The following SEC16B variants were observed in gnomAD, a reference collection of about 807,000 sequenced individuals.
SEC16B encodes the protein SEC16 homolog B, endoplasmic reticulum export factor, also known as protein transport protein Sec16B.
A neutral mutation model predicts 141.8 loss-of-function variants in SEC16B; 115 were observed. The observed-to-expected ratio is 0.81, with a 90% CI of 0.70 to 0.95. The LOEUF is 0.95. SEC16B is among the 40% of genes least tolerant of loss of function. The pLI is 0.00. For synonymous variants in SEC16B, 493 were observed against 492.5 expected, an observed-to-expected ratio of 1.00 and a Z score of -0.01; for missense variants, 1,291 against 1,312.3, an observed-to-expected ratio of 0.98 and a Z score of 0.25.
At chr1:177,939,550 T>A (rs1483080101) in intron 18 of SEC16B, among the ~76,000 whole-genome samples, 152 bp downstream of exon 18, 1 of 152,076 alleles carries the variant, frequency 6.6e-6, no homozygotes, top group Non-Finnish European at 1.5e-5. Flanking sequence ...AGGAGCTGGG[T>A]GGAGAAGGCG....
intron 18 of SEC16B, among the ~76,000 whole-genome samples, chr1:177,938,058 A>T (rs1482981490): frequency 6.6e-6 from 1 of 152,222 alleles, no homozygotes; most frequent in East Asian, 1.9e-4. Flanking sequence ...TCACGGCCAC[A>T]AGGTTTTTTT....
intron 14 of SEC16B, 115 bp from the exon 15 acceptor site, chr1:177,944,781 G>T: frequency 1.3e-6 from 1 of 785,400 alleles, no homozygotes. Flanking sequence ...TCCATCCTGG[G>T]CTGATGCCTG....
chr1:177,965,264 C>G (rs1331742241), intron 3 of SEC16B, 97 bp from the exon 4 acceptor site: 6 of 1,400,396 alleles, frequency 4.3e-6, no homozygotes, highest in Non-Finnish European at 4.9e-6. Context: ...TCCTGGAGCA[C>G]AGTAGATCTA....
At chr1:177,977,568 A>G (rs1321479365) in intron 1 of SEC16B, among the ~76,000 whole-genome samples, 4 of 152,330 alleles carry the variant, frequency 2.6e-5, no homozygotes, top group Middle Eastern at 6.8e-3. Context: ...CCAGTATTTT[A>G]GAGTCCAGAT....
chr1:177,933,282 G>T lies in SEC16B; in HGVS notation c.2755C>A (p.Arg919=), dbSNP rs372904665. The T allele has an allele frequency of 1.8e-5, 28 of 1,599,284 alleles. No individual in the cohort carries two copies. In the African/African-American group the frequency reaches 3.6e-4, roughly 21 times the overall value. ...SSGFGWFSWF[R]SKPTKNASPA... ...GATGCGTTCTTGGTGGGCTTCGATC[G>T]AAACCAGCTGAACCAGCCAAACCCT... The change falls in exon 22 of 26, where the codon CGA becomes AGA. Residue 919 remains arginine (R), a synonymous_variant. Coordinates refer to ENST00000308284, the MANE Select transcript of SEC16B (RefSeq NM_033127.4).
At chr1:177,969,234 T>A (rs1452969704) in intron 1 of SEC16B, among the ~76,000 whole-genome samples, 1 of 152,120 alleles carries the variant, frequency 6.6e-6, no homozygotes, top group African/African-American at 2.4e-5. Flanking sequence ...GGTGTTGAAA[T>A]TGAGACGTCA....
chr1:177,962,069 C>T (rs1354204729), intron 5 of SEC16B, among the ~76,000 whole-genome samples: 1 of 151,958 alleles, frequency 6.6e-6, no homozygotes, highest in Non-Finnish European at 1.5e-5. Flanking sequence ...TTCATGTATT[C>T]ATTCATAAAC....
chr1:177,972,889 CCTCT>C (rs969413013), upstream of SEC16B, among the ~76,000 whole-genome samples: 2 of 151,700 alleles, frequency 1.3e-5, no homozygotes, highest in Admixed American at 1.3e-4. Context: ...GTTTGCTTCT[CCTCT>C]CTCTCTCTGC....
rs370903718 is a variant in SEC16B at position 177,936,374 on chromosome 1, C to T, written c.2504-9G>A. 5.0e-6 allele frequency: 8 copies of T among 1,603,998 alleles called. No individual in the cohort carries two copies. In the African/African-American group the frequency reaches 9.4e-5, roughly 19 times the overall value. On this transcript the variant is annotated splice_polypyrimidine_tract_variant and intron_variant, in intron 19 of 25. Coordinates refer to ENST00000308284, the MANE Select transcript of SEC16B (RefSeq NM_033127.4). ...AGACACTGTGTTCTCTCCTGCATCA[C>T]AAACAGAAATGGAAATAGCAATTGG...
At chr1:177,964,939 A>G in intron 4 of SEC16B, 108 bp downstream of exon 4, 1 of 1,323,630 alleles carries the variant, frequency 7.6e-7, no homozygotes, top group Non-Finnish European at 1.0e-6. Flanking sequence ...CAACAAAGGT[A>G]CATGGGCTTC....
chr1:177,932,667 C>T (rs767830759), intron 23 of SEC16B, 31 bp downstream of exon 23: 2 of 1,538,656 alleles, frequency 1.3e-6, no homozygotes, highest in East Asian at 2.3e-5. Flanking sequence ...AGGGGACCAC[C>T]CATGGCCCAG....
intron 24 of SEC16B, among the ~76,000 whole-genome samples, chr1:177,932,244 C>A (rs551032484): frequency 9.2e-5 from 14 of 152,322 alleles, no homozygotes; most frequent in African/African-American, 3.1e-4. Context: ...GGAAAGAGGT[C>A]TCAAAAGACA....
chr1:177,966,184 C>A (rs901001873), intron 2 of SEC16B, among the ~76,000 whole-genome samples, 179 bp from the exon 3 acceptor site: 1 of 152,178 alleles, frequency 6.6e-6, no homozygotes, highest in Non-Finnish European at 1.5e-5. Flanking sequence ...AGGAGTCAGG[C>A]CTTTGTTGCA....
At position 177,933,493 on chromosome 1, in the gene SEC16B, C is replaced by T. The variant is rs887155080; in HGVS notation, c.2715G>A (p.Glu905=). The change falls in exon 21 of 26, where the codon GAG becomes GAA. Residue 905 remains glutamate, a synonymous_variant. Coordinates refer to ENST00000308284, the MANE Select transcript of SEC16B (RefSeq NM_033127.4). ...AQRGKLGDGK[E]HTKSSGFGWF... ...GAACAAGTCCCTCCACCTTTGTATG[C>T]TCCTTCCCATCTCCGAGCTTGCCTC... is the stretch of plus-strand genomic sequence containing the variant. The T allele has an allele frequency of 1.9e-6, 3 of 1,613,112 alleles. No individual in the cohort carries two copies. Among genetic ancestry groups the T allele is most frequent in the East Asian group, 2.2e-5 (1 of 44,868 alleles).
Position 177,933,594 on chromosome 1 carries a change from C to A in SEC16B, c.2614G>T (p.Ala872Ser), listed in dbSNP as rs369485878. 42 of 1,613,892 alleles carry A rather than the reference C, an allele frequency of 2.6e-5. No individual in the cohort carries two copies. Among genetic ancestry groups the A allele is most frequent in the Non-Finnish European group, 3.3e-5 (39 of 1,179,828 alleles). The change falls in exon 21 of 26, where the codon GCC (alanine) becomes TCC (serine). Residue 872 changes from alanine (A) to serine (S), a missense_variant. Physicochemically the swap from Ala to Ser is moderately conservative, Grantham distance 99. Transcript: ENST00000308284. Reference sequence around the variant, plus strand: ...TTCTCATCCTCCTTGGCTGAACTGGCGGAACTCTCAGAAATACTTCGTGGT... The same window carrying A: ...TTCTCATCCTCCTTGGCTGAACTGGAGGAACTCTCAGAAATACTTCGTGGT... ...ARPRSISESS[A>S]SSAKEDEKES...
intron 14 of SEC16B, chr1:177,945,599 C>A (rs555707111): frequency 1.2e-4 from 18 of 152,382 alleles, no homozygotes; most frequent in African/African-American, 4.3e-4. Flanking sequence ...CCGAATCCAA[C>A]TCACCCACAC....
chr1:177,959,710 G>A (rs1652915046), intron 8 of SEC16B: 1 of 153,750 alleles, frequency 6.5e-6, no homozygotes, highest in African/African-American at 2.4e-5. Flanking sequence ...TTCTCAAGGG[G>A]AAAACTAAGG....
upstream of SEC16B, among the ~76,000 whole-genome samples, chr1:177,972,210 T>A (rs192805872): frequency 6.6e-6 from 1 of 152,356 alleles, no homozygotes; most frequent in Non-Finnish European, 1.5e-5. Context: ...TAATTAGCTT[T>A]AATTATTCTA....
chr1:177,951,893 G>C, intron 12 of SEC16B, 21 bp downstream of exon 12: 6 of 1,582,838 alleles, frequency 3.8e-6, no homozygotes, highest in Non-Finnish European at 5.2e-6. Flanking sequence ...GGGTGATAAA[G>C]GAATCCTGTC....
Sources: allele counts gnomAD v4.1 joint callset (sites outside exome capture counted in the v4.1 genomes callset), GRCh38; gene constraint gnomAD v4.1.1; transcripts MANE v1.5; gene names NCBI Gene and HGNC (gene_info 2026-07-23, HGNC 2026-07-21).